The following CAAP1 variants were observed in gnomAD, a reference collection of about 807,000 sequenced individuals.
The protein encoded by CAAP1 is conserved anti-apoptotic protein.
Under a neutral mutation model 34.0 loss-of-function variants are expected in CAAP1, and 20 were observed. That is an observed-to-expected ratio of 0.59 (90% CI 0.41 to 0.86). CAAP1 has a LOEUF of 0.86. Among genes scored for constraint, CAAP1 ranks in the 40% least tolerant of loss-of-function variants. CAAP1 has a pLI of 0.00. For missense variants in CAAP1, 538 were observed against 450.5 expected, an observed-to-expected ratio of 1.19 and a Z score of -1.76; for synonymous variants, 213 against 166.7, an observed-to-expected ratio of 1.28 and a Z score of -2.14.
At position 26,842,468 on chromosome 9, in the gene CAAP1, C is replaced by G; in HGVS notation, c.919G>C (p.Gly307Arg). ...DIEKSVNEIL[G>R]LAESSPNEPK... ...TCGTTTGGGCTAGACTCTGCCAGTC[C>G]TAGAATCTCATTCACACTTTTCTCA... Residue 307 changes from glycine (G) to arginine (R), a missense_variant, in exon 6 of 6, where the codon GGA (glycine) becomes CGA (arginine). Around this residue, in one of 3 missense-constraint regions of CAAP1, gnomAD observed 514 missense variants for 408.4 expected, o/e 1.26. Coordinates refer to ENST00000333916, the MANE Select transcript of CAAP1 (RefSeq NM_024828.4). 6.2e-7 allele frequency: 1 copy of G among 1,614,138 alleles called. No homozygotes were observed. The highest frequency in any genetic ancestry group is 8.5e-7 in the Non-Finnish European group (1 of 1,180,034).
At chr9:26,856,364 TA>T (rs1822870494) in intron 5 of CAAP1, among the ~76,000 whole-genome samples, 2 of 152,182 alleles carry the variant, frequency 1.3e-5, no homozygotes, top group Non-Finnish European at 2.9e-5. Flanking sequence ...GATCAAAGAC[TA>T]AATCAAACAT....
chr9:26,849,801 C>T (rs2131298448), intron 5 of CAAP1, among the ~76,000 whole-genome samples: 1 of 151,924 alleles, frequency 6.6e-6, no homozygotes, highest in South Asian at 2.1e-4. Flanking sequence ...TGACATTTTA[C>T]CATAAACCAT....
intron 4 of CAAP1, among the ~76,000 whole-genome samples, chr9:26,872,845 T>C (rs935346568): frequency 2.2e-4 from 33 of 151,180 alleles, no homozygotes; most frequent in Admixed American, 2.2e-3. Flanking sequence ...GTAAGGCCTA[T>C]TTAGGAATAT....
chr9:26,880,392 C>G, intron 4 of CAAP1: 1 of 276,498 alleles, frequency 3.6e-6, no homozygotes, highest in South Asian at 3.6e-5. Context: ...CCAGAAACAA[C>G]TGATTTCATG....
In CAAP1 at chr9:26,880,252, A is replaced by G. The variant is rs1280428255; in HGVS notation, c.665+4558T>C. The G allele has an allele frequency of 2.7e-5, 11 of 413,006 alleles. No homozygotes were observed. The East Asian group carries it at 5.7e-4, about 21-fold the overall frequency. 25.6% of individuals were successfully genotyped at this position (413,006 alleles called of 1,614,324 possible). ...GTGTCTTCAAAAAGGACAACCAGAT[A>G]GGCCTCACTTGCCTCCCGCAAAGCA... On this transcript the variant is annotated intron_variant, in intron 4 of 5. Transcript: ENST00000333916.
At chr9:26,848,265 G>C (rs1822663310) in intron 5 of CAAP1, among the ~76,000 whole-genome samples, 1 of 152,162 alleles carries the variant, frequency 6.6e-6, no homozygotes, top group African/African-American at 2.4e-5. Context: ...CTGTAACCCA[G>C]CACTTTGGGA....
intron 4 of CAAP1, among the ~76,000 whole-genome samples, chr9:26,861,498 G>A (rs1012866450): frequency 1.3e-5 from 2 of 152,128 alleles, no homozygotes; most frequent in African/African-American, 4.8e-5. Flanking sequence ...TAAATTTAAT[G>A]AGCATTTTGG....
rs1171628621 is a variant in CAAP1, at chr9:26,847,198, A to ATTTTTTTTTTTTTT, written c.740-4565_740-4552dup. ...TTTTTACTAGTAAGTAAAAAGCAATATTTTTTTTTTTTTTTTTTTTTTTTT... is the reference window on the plus strand; with the variant it reads ...TTTTTACTAGTAAGTAAAAAGCAATATTTTTTTTTTTTTTTTTTTTTTTTTTTTTTTTTTTTTTT... On this transcript the variant is annotated intron_variant, in intron 5 of 5. Coordinates refer to ENST00000333916, the MANE Select transcript of CAAP1 (RefSeq NM_024828.4). Among the ~76,000 whole-genome samples the ATTTTTTTTTTTTTT allele has an allele frequency of 2.7e-3, 93 of 34,750 alleles. 24 individuals are homozygous for ATTTTTTTTTTTTTT. The highest frequency in any genetic ancestry group is 3.9e-3 in the Non-Finnish European group (79 of 20,062). The allele number at this position is 34,750 out of a possible 152,430, so 22.8% of individuals were successfully genotyped here. A position where few individuals can be genotyped will look rare whatever the true frequency, so the allele number is the denominator to read the frequency against.
chr9:26,851,862 TTC>T (rs1286744561), intron 5 of CAAP1, among the ~76,000 whole-genome samples: 7 of 152,094 alleles, frequency 4.6e-5, no homozygotes, highest in Admixed American at 3.3e-4. Context: ...CTCAAATACT[TTC>T]TGTTAGTAAC....
intron 4 of CAAP1, among the ~76,000 whole-genome samples, chr9:26,866,601 G>C (rs978161530): frequency 6.6e-6 from 1 of 152,142 alleles, no homozygotes. Flanking sequence ...TTCTGAATAA[G>C]AGCATACACA....
intron 4 of CAAP1, among the ~76,000 whole-genome samples, chr9:26,877,362 C>T (rs930230392): frequency 5.9e-5 from 9 of 152,228 alleles, no homozygotes; most frequent in African/African-American, 2.2e-4. Context: ...GAACCTGTAA[C>T]ATCTAGGTTT....
At chr9:26,879,471 T>A (rs1042548125) in intron 4 of CAAP1, among the ~76,000 whole-genome samples, 17 of 152,288 alleles carry the variant, frequency 1.1e-4, no homozygotes, top group Admixed American at 6.5e-4. Flanking sequence ...TCACTAACAA[T>A]CATATACTTA....
chr9:26,868,341 T>C (rs969835144), intron 4 of CAAP1, among the ~76,000 whole-genome samples: 10 of 152,124 alleles, frequency 6.6e-5, no homozygotes, highest in African/African-American at 2.2e-4. Context: ...TTAGAAGAAA[T>C]GGCAATATCA....
chr9:26,870,919 A>G (rs1244631016), intron 4 of CAAP1, among the ~76,000 whole-genome samples: 1 of 152,074 alleles, frequency 6.6e-6, no homozygotes, highest in Non-Finnish European at 1.5e-5. Flanking sequence ...GCCCAGCCGC[A>G]GGTCTATATT....
intron 3 of CAAP1, among the ~76,000 whole-genome samples, chr9:26,885,847 A>G (rs1287592675): frequency 6.6e-6 from 1 of 152,152 alleles, no homozygotes; most frequent in African/African-American, 2.4e-5. Flanking sequence ...TTTTTGGTAA[A>G]CATTTTTTAT....
chr9:26,855,636 G>A lies in CAAP1; in HGVS notation c.739+5430C>T, dbSNP rs1177542564. ...ATAAAAAATAAAATGTAAGTTCATC[G>A]TGTATCAACTATACGATGTAGCAGC... On this transcript the variant is annotated intron_variant, in intron 5 of 5. Coordinates refer to ENST00000333916, the MANE Select transcript of CAAP1 (RefSeq NM_024828.4). Among the ~76,000 whole-genome samples the A allele has an allele frequency of 3.3e-5, 5 of 152,102 alleles. 1 individual carries two copies. Among genetic ancestry groups the A allele is most frequent in the Admixed American group, 1.3e-4 (2 of 15,272 alleles).
At chr9:26,847,201 T>A in intron 5 of CAAP1, among the ~76,000 whole-genome samples, 1 of 34,082 alleles carries the variant, frequency 2.9e-5, no homozygotes, top group Non-Finnish European at 5.1e-5. Flanking sequence ...AAGCAATATT[T>A]TTTTTTTTTT....
At chr9:26,852,088 C>G (rs990146838) in intron 5 of CAAP1, among the ~76,000 whole-genome samples, 1 of 151,760 alleles carries the variant, frequency 6.6e-6, no homozygotes, top group African/African-American at 2.4e-5. Flanking sequence ...GAGACAGGGT[C>G]TCACTTTGTC....
At chr9:26,889,967 C>T (rs1224731014) in intron 1 of CAAP1, among the ~76,000 whole-genome samples, 2 of 151,794 alleles carry the variant, frequency 1.3e-5, no homozygotes, top group African/African-American at 4.8e-5. Context: ...ATGCAATGAC[C>T]TTTTCTTCAC....
Sources: allele counts gnomAD v4.1 joint callset (sites outside exome capture counted in the v4.1 genomes callset), GRCh38; gene constraint gnomAD v4.1.1; regional missense constraint gnomAD v4.1.1; transcripts MANE v1.5; gene names NCBI Gene and HGNC (gene_info 2026-07-23, HGNC 2026-07-21).